NCOA7: variants seen among roughly 807,000 people sequenced by gnomAD.
NCOA7 encodes the protein nuclear receptor coactivator 7.
NCOA7 carries 45 observed loss-of-function variants against 104.3 expected under a neutral mutation model. The observed-to-expected ratio is 0.43, with a 90% CI of 0.34 to 0.55. The LOEUF (loss-of-function observed/expected upper bound fraction) is 0.55, where lower values mean the gene tolerates loss of function less well. Among genes scored for constraint, NCOA7 ranks in the 20% least tolerant of loss-of-function variants. The probability of loss-of-function intolerance (pLI) is 0.02; values close to 1 mark genes in which losing one functional copy is unlikely to be tolerated. For synonymous variants in NCOA7, 398 were observed against 402.3 expected, an observed-to-expected ratio of 0.99 and a Z score of 0.13; for missense variants, 1,041 against 1,119.7, an observed-to-expected ratio of 0.93 and a Z score of 1.00.
chr6:125,812,191 G>A (rs1363429986), intron 1 of NCOA7, among the ~76,000 whole-genome samples: 1 of 152,110 alleles, frequency 6.6e-6, no homozygotes, highest in Admixed American at 6.6e-5. Context: ...TGCTTTCCTT[G>A]CCTGAGTGTG....
intron 2 of NCOA7, among the ~76,000 whole-genome samples, chr6:125,850,666 G>A (rs940980159): frequency 2.0e-5 from 3 of 152,174 alleles, no homozygotes; most frequent in African/African-American, 7.2e-5. Flanking sequence ...AGATTAAGAA[G>A]CAGCATATCT....
chr6:125,810,296 C>T (rs1776861667), intron 1 of NCOA7: 1 of 152,136 alleles, frequency 6.6e-6, no homozygotes, highest in African/African-American at 2.4e-5. Flanking sequence ...AAACAAGGAA[C>T]ACTTTTCTGA....
intron 2 of NCOA7, among the ~76,000 whole-genome samples, chr6:125,840,379 A>T (rs902400180): frequency 1.3e-5 from 2 of 152,064 alleles, no homozygotes; most frequent in African/African-American, 4.8e-5. Context: ...AAAATTATAT[A>T]AATTTAGTGC....
intron 5 of NCOA7, among the ~76,000 whole-genome samples, chr6:125,880,411 T>G (rs1395997763): frequency 6.6e-6 from 1 of 152,156 alleles, no homozygotes; most frequent in African/African-American, 2.4e-5. Context: ...CTATCCAATT[T>G]CTACTTGTTC....
chr6:125,797,081 C>T (rs1379855892), intron 1 of NCOA7, among the ~76,000 whole-genome samples: 1 of 152,100 alleles, frequency 6.6e-6, no homozygotes, highest in East Asian at 1.9e-4. Context: ...TCTTTTATTC[C>T]TCCCACTCTA....
chr6:125,898,921 G>T (rs1287604323), intron 10 of NCOA7, among the ~76,000 whole-genome samples: 16 of 152,024 alleles, frequency 1.1e-4, no homozygotes, highest in Admixed American at 1.0e-3. Context: ...AAATCTCATA[G>T]TTTTGTTACA....
intron 10 of NCOA7, chr6:125,899,920 G>A (rs1785349464): frequency 3.8e-6 from 2 of 522,210 alleles, no homozygotes; most frequent in Admixed American, 1.9e-5. Flanking sequence ...GCTTTCTGGT[G>A]GCGGAGCAAG....
intron 3 of NCOA7, among the ~76,000 whole-genome samples, chr6:125,858,880 T>C (rs1781818050): frequency 6.6e-6 from 1 of 152,090 alleles, no homozygotes; most frequent in African/African-American, 2.4e-5. Context: ...CCCAAGGCGA[T>C]GTTCTCTACC....
At chr6:125,885,431 G>T (rs1325513356) in intron 8 of NCOA7, 88 bp downstream of exon 8, 3 of 1,332,136 alleles carry the variant, frequency 2.3e-6, no homozygotes, top group Non-Finnish European at 3.1e-6. Flanking sequence ...ATGATTGAGG[G>T]ATTGTGTAGA....
intron 1 of NCOA7, among the ~76,000 whole-genome samples, chr6:125,782,231 C>T (rs1774260203): frequency 6.6e-6 from 1 of 151,798 alleles, no homozygotes; most frequent in Admixed American, 6.5e-5. Context: ...TATACATGTC[C>T]TTACATTATA....
At chr6:125,894,985 T>A (rs565529082) in intron 10 of NCOA7, among the ~76,000 whole-genome samples, 11 of 152,282 alleles carry the variant, frequency 7.2e-5, no homozygotes, top group African/African-American at 2.2e-4. Context: ...TTCTTAACAC[T>A]TTGTAGAGAT....
At chr6:125,870,025 C>T (rs1782762265) in intron 3 of NCOA7, among the ~76,000 whole-genome samples, 1 of 152,232 alleles carries the variant, frequency 6.6e-6, no homozygotes, top group Non-Finnish European at 1.5e-5. Context: ...ACCTGTATCT[C>T]AGCCACTGCT....
In NCOA7 at chr6:125,922,800, C is replaced by T; in HGVS notation, c.2489C>T (p.Pro830Leu). 6.2e-7 allele frequency: 1 copy of T among 1,614,154 alleles called. No individual in the cohort carries two copies. Residue 830 changes from proline (P) to leucine (L), a missense_variant, in exon 13 of 16, where the codon CCT becomes CTT. By Grantham distance (98) the Pro-to-Leu change is moderately conservative. Transcript: ENST00000392477. ...CGGAAATCGGCATCACTAGACAGTC[C>T]TGTCCTATTGGTCATCAAAGATATG... ...LYRKSASLDS[P>L]VLLVIKDMDN... is the part of the protein sequence containing the mutation.
intron 2 of NCOA7, among the ~76,000 whole-genome samples, chr6:125,839,551 C>CG (rs1267832961): frequency 6.6e-6 from 1 of 152,056 alleles, no homozygotes; most frequent in Non-Finnish European, 1.5e-5. Context: ...TAGAAGCTCT[C>CG]GAGGCACCTC....
rs201217176 is a variant in NCOA7, at chr6:125,822,996, A to G, written c.50+7592A>G. The stretch of plus-strand genomic sequence containing the variant: ...TTAGCATCATAATGTGATAAATAGA[A>G]AAAAAAAATTATATATGGGCATGGA... On this transcript the variant is annotated intron_variant, in intron 2 of 15. Transcript: ENST00000392477. Among the ~76,000 whole-genome samples the G allele has an allele frequency of 5.0e-4, 8 of 16,106 alleles. No individual in the cohort carries two copies. The East Asian group carries it at 0.12, about 235-fold the overall frequency. The allele number at this position is 16,106 out of a possible 152,430, so 10.6% of individuals were successfully genotyped here.
At chr6:125,882,686 A>C in intron 7 of NCOA7, 135 bp downstream of exon 7, 1 of 1,049,272 alleles carries the variant, frequency 9.5e-7, no homozygotes, top group Non-Finnish European at 1.3e-6. Context: ...AGCATCCATT[A>C]GTTTTCTTCT....
rs188621031 is a variant in NCOA7 at position 125,917,426 on chromosome 6, C to T, written c.2244+1946C>T. Among the ~76,000 whole-genome samples, 12 of 152,204 alleles carry T rather than the reference C, an allele frequency of 7.9e-5. No homozygotes were observed. The East Asian group carries it at 2.3e-3, about 29-fold the overall frequency. On this transcript the variant is annotated intron_variant, in intron 11 of 15. Transcript: ENST00000392477. The stretch of plus-strand genomic sequence containing the variant: ...TCTCTGCATTCCTGCTGTGCCCTGT[C>T]CCTGGAACATCTTCTCACACCCTAT...
rs1402858349 is a variant in NCOA7 at position 125,863,237 on chromosome 6, A to ACT, written c.271+7999_271+8000dup. ...TTGCACCAGCTTTGTTTCAAGGGAC[A>ACT]CTCCTTTCCTGACCTCTCACAGCCC... is the stretch of plus-strand genomic sequence containing the variant. On this transcript the variant is annotated intron_variant, in intron 3 of 15. Coordinates refer to ENST00000392477, the MANE Select transcript of NCOA7 (RefSeq NM_181782.5). Among the ~76,000 whole-genome samples the ACT allele has an allele frequency of 1.5e-4, 21 of 137,498 alleles. 5 individuals are homozygous for ACT. Among genetic ancestry groups the ACT allele is most frequent in the African/African-American group, 3.3e-4 (11 of 32,962 alleles). The allele number at this position is 137,498 out of a possible 152,430, so 90.2% of individuals were successfully genotyped here.
chr6:125,835,426 T>TA (rs948586599), intron 2 of NCOA7, among the ~76,000 whole-genome samples: 1 of 151,966 alleles, frequency 6.6e-6, no homozygotes, highest in African/African-American at 2.4e-5. Flanking sequence ...TTCACATAAG[T>TA]AAAAAGTCCC....
Sources: gnomAD v4.1 joint callset for allele counts (sites outside exome capture counted in the v4.1 genomes callset) on GRCh38, gnomAD v4.1.1 for gene constraint, MANE v1.5 for transcripts, NCBI Gene and HGNC (gene_info 2026-07-23, HGNC 2026-07-21) for gene names.